The following ASIC2 variants were observed in gnomAD, a reference collection of about 807,000 sequenced individuals.
ASIC2 encodes the protein acid sensing ion channel subunit 2.
A neutral mutation model predicts 57.3 loss-of-function variants in ASIC2; 25 were observed. That is an observed-to-expected ratio of 0.44 (90% CI 0.32 to 0.61). ASIC2 has a LOEUF of 0.61. ASIC2 is among the 20% of genes least tolerant of loss of function. The pLI is 0.06. For missense variants in ASIC2, 641 were observed against 738.1 expected (o/e 0.87, Z 1.52); for synonymous variants, 319 against 307.5 (o/e 1.04, Z -0.39).
At chr17:33,910,498 T>C (rs1915438631) in intron 1 of ASIC2, among the ~76,000 whole-genome samples, 1 of 152,216 alleles carries the variant, frequency 6.6e-6, no homozygotes, top group Admixed American at 6.5e-5. Context: ...ATCGAGATGA[T>C]GGAAACATCT....
intron 1 of ASIC2, among the ~76,000 whole-genome samples, chr17:33,364,318 TA>T (rs1908723452): frequency 6.6e-6 from 1 of 152,134 alleles, no homozygotes; most frequent in Non-Finnish European, 1.5e-5. Context: ...GCACTGTTAA[TA>T]GAAATGACAT....
intron 1 of ASIC2, among the ~76,000 whole-genome samples, chr17:33,595,491 C>T (rs1416159203): frequency 6.6e-6 from 1 of 152,206 alleles, no homozygotes; most frequent in African/African-American, 2.4e-5. Context: ...ACTTATGTAG[C>T]CTTTAACTGC....
chr17:33,123,414 A>G (rs566557709), intron 1 of ASIC2, among the ~76,000 whole-genome samples: 2 of 152,370 alleles, frequency 1.3e-5, no homozygotes, highest in African/African-American at 4.8e-5. Context: ...GAAATACCAC[A>G]TGATCTCACT....
At chr17:33,746,539 A>T (rs1910275586) in intron 1 of ASIC2, among the ~76,000 whole-genome samples, 1 of 151,502 alleles carries the variant, frequency 6.6e-6, no homozygotes, top group Admixed American at 6.6e-5. Flanking sequence ...TATAGTTTTT[A>T]TACTCATATA....
At chr17:34,145,310 G>C (rs1255447506) in intron 1 of ASIC2, among the ~76,000 whole-genome samples, 3 of 152,204 alleles carry the variant, frequency 2.0e-5, no homozygotes, top group African/African-American at 7.2e-5. Context: ...TCTGCAGTCT[G>C]GATGTGCTGG....
intron 1 of ASIC2, among the ~76,000 whole-genome samples, chr17:33,202,529 TG>T (rs1384376863): frequency 6.6e-6 from 1 of 152,072 alleles, no homozygotes; most frequent in East Asian, 1.9e-4. Flanking sequence ...GCACCTCCCG[TG>T]GGGGTCCATC....
intron 1 of ASIC2, among the ~76,000 whole-genome samples, chr17:33,488,228 C>G (rs376047236): frequency 6.6e-6 from 1 of 152,096 alleles, no homozygotes. Context: ...GTTTGCTTTC[C>G]GTTGTGCTCC....
chr17:33,664,490 G>C (rs1441180474), intron 1 of ASIC2, among the ~76,000 whole-genome samples: 1 of 152,190 alleles, frequency 6.6e-6, no homozygotes, highest in Non-Finnish European at 1.5e-5. Context: ...TGAGAGCTGA[G>C]AAGATAAAAT....
chr17:33,719,064 G>T (rs992210954), intron 1 of ASIC2, among the ~76,000 whole-genome samples: 18 of 152,306 alleles, frequency 1.2e-4, no homozygotes, highest in African/African-American at 4.1e-4. Flanking sequence ...CTGCCCGGGG[G>T]ATAGGCTGAG....
intron 1 of ASIC2, among the ~76,000 whole-genome samples, chr17:33,811,717 T>G (rs1912427847): frequency 1.3e-5 from 2 of 152,178 alleles, no homozygotes; most frequent in African/African-American, 4.8e-5. Flanking sequence ...TTTTTCCATT[T>G]TGTTAATGAA....
At chr17:33,437,087 G>A (rs886486049) in intron 1 of ASIC2, among the ~76,000 whole-genome samples, 5 of 151,158 alleles carry the variant, frequency 3.3e-5, no homozygotes, top group Admixed American at 2.6e-4. Flanking sequence ...GGATGGTCTC[G>A]ATCTCCTGAC....
Position 33,881,134 on chromosome 17 carries a change from A to G in ASIC2, c.555+274844T>C, listed in dbSNP as rs561258190. ...CTCTAAATAATAAGAGCTATCTATG[A>G]TAAACCCACAACCAATATCATACTG... On this transcript the variant is annotated intron_variant, in intron 1 of 9. Coordinates refer to the ASIC2 transcript ENST00000359872. Among the ~76,000 whole-genome samples the G allele has an allele frequency of 2.9e-4, 44 of 152,348 alleles. 2 individuals carry two copies. In the South Asian group the frequency reaches 8.7e-3, roughly 30 times the overall value.
chr17:33,960,837 C>T (rs1352467309), intron 1 of ASIC2, among the ~76,000 whole-genome samples: 2 of 152,170 alleles, frequency 1.3e-5, no homozygotes, highest in African/African-American at 4.8e-5. Context: ...TGCAGCCAGG[C>T]GTTCAATGCC....
intron 1 of ASIC2, among the ~76,000 whole-genome samples, chr17:33,712,897 G>A (rs1053236759): frequency 1.3e-5 from 2 of 151,940 alleles, no homozygotes; most frequent in African/African-American, 2.4e-5. Context: ...CGCCCGCCTC[G>A]GCCTCCCAAA....
At chr17:33,041,644 G>T (rs1329790702) in intron 3 of ASIC2, among the ~76,000 whole-genome samples, 1 of 152,208 alleles carries the variant, frequency 6.6e-6, no homozygotes, top group Non-Finnish European at 1.5e-5. Flanking sequence ...GGCTAGGGCT[G>T]GCTTAAATGC....
intron 1 of ASIC2, among the ~76,000 whole-genome samples, chr17:33,288,919 C>T (rs1905305077): frequency 6.6e-6 from 1 of 152,186 alleles, no homozygotes. Flanking sequence ...TCAGCCACTA[C>T]ACTTTGGTGC....
At chr17:33,490,124 G>A (rs575963816) in intron 1 of ASIC2, among the ~76,000 whole-genome samples, 5 of 152,292 alleles carry the variant, frequency 3.3e-5, no homozygotes, top group East Asian at 1.9e-4. Context: ...GAATACAGTC[G>A]TGTACATTCA....
chr17:34,038,132 C>A lies in ASIC2; in HGVS notation c.555+117846G>T, dbSNP rs1021900653. 1.9e-5 allele frequency: 31 copies of A among 1,612,578 alleles called. 2 individuals are homozygous for A. The African/African-American group carries it at 3.9e-4, about 20-fold the overall frequency. ...AATTTTTATCTCTCCACACCCTGTA[C>A]CATTTTCTAAAAGAATATTACCTGG... On this transcript the variant is annotated intron_variant, in intron 1 of 9. Coordinates refer to the ASIC2 transcript ENST00000359872.
chr17:33,245,857 A>C (rs886826415), intron 1 of ASIC2, among the ~76,000 whole-genome samples: 4 of 152,116 alleles, frequency 2.6e-5, no homozygotes, highest in African/African-American at 9.7e-5. Flanking sequence ...AGGAAGCACT[A>C]ATGGAGGAAG....
Sources: allele counts gnomAD v4.1 joint callset (sites outside exome capture counted in the v4.1 genomes callset), GRCh38; gene constraint gnomAD v4.1.1; transcripts MANE v1.5; gene names NCBI Gene and HGNC (gene_info 2026-07-23, HGNC 2026-07-21).